The following SYNE1 variants were observed in gnomAD, a reference collection of about 807,000 sequenced individuals.
SYNE1 encodes spectrin repeat containing nuclear envelope protein 1, also known as nesprin-1.
A neutral mutation model predicts 1,111.0 loss-of-function variants in SYNE1; 616 were observed. That is an observed-to-expected ratio of 0.55 (90% CI 0.52 to 0.59). The LOEUF is 0.59. Among genes scored for constraint, SYNE1 ranks in the 20% least tolerant of loss-of-function variants. The pLI is 0.00. For synonymous variants in SYNE1, 3,855 were observed against 3,825.8 expected (o/e 1.01, Z -0.28); for missense variants, 10,006 against 10,417.0 (o/e 0.96, Z 1.72).
At chr6:152,582,561 CAT>C (rs1054601784) in intron 3 of SYNE1, among the ~76,000 whole-genome samples, 7 of 151,328 alleles carry the variant, frequency 4.6e-5, no homozygotes, top group African/African-American at 1.7e-4. Context: ...AAACTTTTTA[CAT>C]ATATATAAAT....
At chr6:152,229,978 G>A (rs1480603302) in intron 115 of SYNE1, among the ~76,000 whole-genome samples, 2 of 152,056 alleles carry the variant, frequency 1.3e-5, no homozygotes, top group East Asian at 3.9e-4. Context: ...AGAATAAAGT[G>A]ACATGATGTC....
intron 115 of SYNE1, among the ~76,000 whole-genome samples, chr6:152,230,242 C>T (rs1452220377): frequency 1.3e-5 from 2 of 151,970 alleles, no homozygotes; most frequent in Non-Finnish European, 2.9e-5. Context: ...CACCATGTTG[C>T]CCAGGCTGCA....
chr6:152,412,929 G>A (rs904700492), intron 42 of SYNE1, among the ~76,000 whole-genome samples: 5 of 149,006 alleles, frequency 3.4e-5, no homozygotes, highest in Admixed American at 2.0e-4. Flanking sequence ...TTGGCTCACT[G>A]CAACCTACAC....
chr6:152,149,705 T>C, intron 135 of SYNE1, 37 bp from the exon 136 acceptor site: 1 of 1,564,018 alleles, frequency 6.4e-7, no homozygotes, highest in Non-Finnish European at 8.8e-7. Context: ...TTGCTATTGT[T>C]GTTGCTTACA....
rs1218721420 is a variant in SYNE1 at position 152,369,491 on chromosome 6, T to G, written c.9631A>C (p.Arg3211=). Residue 3211 remains arginine (R), a synonymous_variant, in exon 60 of 146, where the codon AGG becomes CGG. Transcript: ENST00000367255. ...NRLYDLPAKR[R]EQQKLQSVLE... ...ATCACCTGGAGCTTCTGCTGCTCCCTCCTCTTTGCTGGCAGATCATAGAGG... is the reference window on the plus strand; with the variant it reads ...ATCACCTGGAGCTTCTGCTGCTCCCGCCTCTTTGCTGGCAGATCATAGAGG... 1.2e-6 allele frequency: 2 copies of G among 1,614,002 alleles called. No homozygotes were observed. The highest frequency in any genetic ancestry group is 4.5e-5 in the East Asian group (2 of 44,880).
In SYNE1 at chr6:152,373,049, T is replaced by G. The variant is rs6913579; in HGVS notation, c.9495A>C (p.Glu3165Asp). The change falls in exon 59 of 146, where the codon GAA becomes GAC. Residue 3165 changes from glutamate to aspartate, a missense_variant. Glu to Asp is a conservative substitution (Grantham distance 45). This residue lies in a region of SYNE1 where 4,955 missense variants were observed against 5,017.2 expected (regional missense o/e 0.99). Coordinates refer to ENST00000367255, the MANE Select transcript of SYNE1 (RefSeq NM_182961.4). Reference protein sequence around the residue: ...KNFHSNLHQKESALENLKIQM... With the variant: ...KNFHSNLHQKDSALENLKIQM... Reference sequence around the variant, plus strand: ...TGGCTATATATACCTCTAGAGCAGATTCTTTTTGGTGGAGATTTGAATGAA... The same window carrying G: ...TGGCTATATATACCTCTAGAGCAGAGTCTTTTTGGTGGAGATTTGAATGAA... The G allele has an allele frequency of 6.0e-5, 97 of 1,613,762 alleles. No homozygotes were observed. Among genetic ancestry groups the G allele is most frequent in the Non-Finnish European group, 7.7e-5 (91 of 1,179,952 alleles).
At chr6:152,256,257 A>G (rs1371170256) in intron 102 of SYNE1, among the ~76,000 whole-genome samples, 1 of 151,034 alleles carries the variant, frequency 6.6e-6, no homozygotes, top group Non-Finnish European at 1.5e-5. Context: ...CGTCTTCACT[A>G]AAAATAAAAA....
intron 3 of SYNE1, among the ~76,000 whole-genome samples, chr6:152,602,524 A>C (rs1037651194): frequency 1.3e-5 from 2 of 152,198 alleles, no homozygotes; most frequent in Non-Finnish European, 2.9e-5. Flanking sequence ...TAATATGACC[A>C]TCCTAGCAAG....
At chr6:152,605,313 C>T (rs1056427882) in intron 3 of SYNE1, among the ~76,000 whole-genome samples, 5 of 152,044 alleles carry the variant, frequency 3.3e-5, no homozygotes, top group South Asian at 4.2e-4. Context: ...ACATTTTCTA[C>T]GTTAAATTAT....
chr6:152,511,363 T>A (rs1040790743), intron 6 of SYNE1, among the ~76,000 whole-genome samples: 2 of 152,048 alleles, frequency 1.3e-5, no homozygotes, highest in African/African-American at 4.8e-5. Context: ...TGAAAAAATA[T>A]AACATGCAGG....
chr6:152,402,038 G>C (rs2154152396), intron 46 of SYNE1, among the ~76,000 whole-genome samples: 1 of 152,304 alleles, frequency 6.6e-6, no homozygotes, highest in Non-Finnish European at 1.5e-5. Context: ...GTGTGGAAGG[G>C]AGTAAATATC....
At chr6:152,429,083 A>ACAG (rs1554683280) in intron 36 of SYNE1, among the ~76,000 whole-genome samples, 4 of 116,338 alleles carry the variant, frequency 3.4e-5, no homozygotes, top group Non-Finnish European at 3.5e-5. Flanking sequence ...GTCTATCTCA[A>ACAG]TAGTAATAAT....
intron 14 of SYNE1, among the ~76,000 whole-genome samples, chr6:152,477,798 G>T (rs1028153523): frequency 1.3e-5 from 2 of 152,152 alleles, no homozygotes; most frequent in East Asian, 3.9e-4. Flanking sequence ...ACAGCCAGGG[G>T]AGTAGGAAGG....
At chr6:152,430,019 A>G in intron 36 of SYNE1, 93 bp downstream of exon 36, 1 of 868,264 alleles carries the variant, frequency 1.2e-6, no homozygotes, top group South Asian at 1.5e-5. Flanking sequence ...TCCAATTTCA[A>G]TTCTCTTAAA....
At chr6:152,161,329 T>G (rs1361079323) in intron 131 of SYNE1, among the ~76,000 whole-genome samples, 1 of 149,874 alleles carries the variant, frequency 6.7e-6, no homozygotes, top group African/African-American at 2.4e-5. Context: ...TTCTTTATTT[T>G]TTTTTAGCAG....
chr6:152,373,500 T>C (rs2097223606), intron 58 of SYNE1, among the ~76,000 whole-genome samples: 2 of 152,180 alleles, frequency 1.3e-5, no homozygotes, highest in African/African-American at 4.8e-5. Flanking sequence ...CAGGATGGTC[T>C]TGATCTCCTG....
chr6:152,238,335 C>A (rs546614048), intron 108 of SYNE1, among the ~76,000 whole-genome samples: 8 of 152,268 alleles, frequency 5.3e-5, no homozygotes, highest in African/African-American at 1.9e-4. Context: ...TGCTCCCAGA[C>A]TCATTGCTGA....
intron 84 of SYNE1, among the ~76,000 whole-genome samples, chr6:152,320,827 T>G (rs754425626): frequency 6.6e-6 from 1 of 152,220 alleles, no homozygotes. Context: ...TTGATCTTAT[T>G]TTTATTTCTT....
At chr6:152,318,580 T>C (rs1263643791) in intron 85 of SYNE1, among the ~76,000 whole-genome samples, 2 of 152,134 alleles carry the variant, frequency 1.3e-5, no homozygotes, top group East Asian at 3.9e-4. Context: ...ACAATTCAGT[T>C]TGGAATTTAT....
Sources: allele counts gnomAD v4.1 joint callset (sites outside exome capture counted in the v4.1 genomes callset), GRCh38; gene constraint gnomAD v4.1.1; regional missense constraint gnomAD v4.1.1; transcripts MANE v1.5; gene names NCBI Gene and HGNC (gene_info 2026-07-23, HGNC 2026-07-21).